Variants in ZC3H6 observed in about 807,000 individuals in gnomAD.
ZC3H6 encodes the protein zinc finger CCCH domain-containing protein 6.
In ZC3H6, 40 loss-of-function variants were observed where a neutral mutation model predicts 107.7. The ratio of observed to expected loss-of-function variants is 0.37; its 90% confidence interval spans 0.29 to 0.48. The LOEUF is 0.48. Ranked by LOEUF, ZC3H6 falls within the 20% of genes least tolerant of loss-of-function variation. The pLI is 0.98. For synonymous variants in ZC3H6, 493 were observed against 487.9 expected (o/e 1.01, Z -0.14); for missense variants, 1,267 against 1,410.4 (o/e 0.90, Z 1.63).
At chr2:112,299,091 C>T (rs922437723) in intron 1 of ZC3H6, among the ~76,000 whole-genome samples, 1 of 152,034 alleles carries the variant, frequency 6.6e-6, no homozygotes, top group Admixed American at 6.6e-5. Flanking sequence ...TCCTGGCTAA[C>T]ACGGTGAAAC....
intron 1 of ZC3H6, among the ~76,000 whole-genome samples, chr2:112,281,446 A>C (rs939364793): frequency 6.6e-6 from 1 of 152,160 alleles, no homozygotes; most frequent in African/African-American, 2.4e-5. Flanking sequence ...ATGGTAAATG[A>C]GGTAAATGAA....
At chr2:112,322,008 T>TG (rs1676809795) in intron 8 of ZC3H6, 143 bp downstream of exon 8, 5 of 450,162 alleles carry the variant, frequency 1.1e-5, no homozygotes. Context: ...GCAATATTCT[T>TG]TACCTTTTTG....
intron 1 of ZC3H6, chr2:112,286,316 G>A (rs1158099829): frequency 4.8e-5 from 11 of 226,886 alleles, no homozygotes. Context: ...GGCTCTTAAT[G>A]GTCAACCACT....
rs1016201994 is a variant in ZC3H6 at position 112,285,882 on chromosome 2, A to G, written c.32+9856A>G. Reference sequence around the variant, plus strand: ...AGGCTGAGGCAGGAGAACTGCTTGAATCCAGGAGGCGGAGGCTGCAGTGAG... The same window carrying G: ...AGGCTGAGGCAGGAGAACTGCTTGAGTCCAGGAGGCGGAGGCTGCAGTGAG... On this transcript the variant is annotated intron_variant, in intron 1 of 11. Transcript: ENST00000409871. 1.3e-4 allele frequency among the ~76,000 whole-genome samples: 20 copies of G among 152,150 alleles called. 1 individual carries two copies. The highest frequency in any genetic ancestry group is 4.8e-4 in the African/African-American group (20 of 41,544).
At chr2:112,280,383 C>T (rs1686504981) in intron 1 of ZC3H6, among the ~76,000 whole-genome samples, 1 of 152,172 alleles carries the variant, frequency 6.6e-6, no homozygotes, top group Admixed American at 6.5e-5. Flanking sequence ...CACTCTGACT[C>T]TCAGGAAGAC....
intron 3 of ZC3H6, among the ~76,000 whole-genome samples, chr2:112,306,914 T>C (rs1295458227): frequency 2.6e-5 from 4 of 152,230 alleles, no homozygotes; most frequent in East Asian, 3.8e-4. Flanking sequence ...TCGGAGCAAA[T>C]GCAGCTCCAA....
intron 8 of ZC3H6, among the ~76,000 whole-genome samples, chr2:112,322,355 C>T (rs1676819483): frequency 6.6e-6 from 1 of 151,758 alleles, no homozygotes; most frequent in Non-Finnish European, 1.5e-5. Flanking sequence ...CCACCCCTGC[C>T]CCTGGGGTCA....
chr2:112,276,925 C>A (rs371539744), intron 1 of ZC3H6, among the ~76,000 whole-genome samples: 1 of 152,140 alleles, frequency 6.6e-6, no homozygotes, highest in African/African-American at 2.4e-5. Flanking sequence ...ATTTGAAAAT[C>A]TAGAACCTCA....
In ZC3H6 at chr2:112,309,984, G is replaced by A; in HGVS notation, c.436G>A (p.Asp146Asn). 1 of 1,613,172 alleles carries A rather than the reference G, an allele frequency of 6.2e-7. No homozygotes were observed. Among genetic ancestry groups the A allele is most frequent in the Non-Finnish European group, 8.5e-7 (1 of 1,179,548 alleles). ...EYDEYSTYSD[D>N]NFGNYSDDNF... ...TGATGAGTACAGCACCTACAGTGAT[G>A]ACAACTTCGGTAACTACAGTGATGA... The change falls in exon 4 of 12, where the codon GAC (aspartate) becomes AAC (asparagine). Residue 146 changes from aspartate (D) to asparagine (N), a missense_variant. Physicochemically the swap from Asp to Asn is conservative, Grantham distance 23 (BLOSUM62 1). Around this residue, in one of 3 missense-constraint regions of ZC3H6, gnomAD observed 337 missense variants for 361.2 expected, o/e 0.93. Transcript: ENST00000409871.
In ZC3H6 at chr2:112,339,066, T is replaced by G. The variant is rs543481696; in HGVS notation, c.*6578T>G. On this transcript the variant is annotated 3_prime_UTR_variant, in exon 12 of 12. Transcript: ENST00000409871. ...GCCACCACACCCAGCTAATTTTTCG[T>G]ATTTTTTAGTAGAGATGGGGTTTCA... 13 of 151,794 alleles carry G rather than the reference T, an allele frequency of 8.6e-5. No individual in the cohort carries two copies. Among genetic ancestry groups the G allele is most frequent in the African/African-American group, 3.1e-4 (13 of 41,444 alleles). The allele number at this position is 151,794 out of a possible 1,614,324, so 9.4% of individuals were successfully genotyped here. A position where few individuals can be genotyped will look rare whatever the true frequency, so the allele number is the denominator to read the frequency against.
chr2:112,319,867 A>G (rs942006430), intron 7 of ZC3H6, among the ~76,000 whole-genome samples: 1 of 152,182 alleles, frequency 6.6e-6, no homozygotes, highest in African/African-American at 2.4e-5. Flanking sequence ...TATGGCATAA[A>G]GCCTTTCAGA....
At chr2:112,282,727 T>C (rs1686549396) in intron 1 of ZC3H6, among the ~76,000 whole-genome samples, 1 of 152,218 alleles carries the variant, frequency 6.6e-6, no homozygotes, top group Non-Finnish European at 1.5e-5. Context: ...CAATGTAGAA[T>C]GCTGAATGGA....
In ZC3H6 at chr2:112,331,216, A is replaced by G. The variant is rs1677024697; in HGVS notation, c.2298A>G (p.Gln766=). The G allele has an allele frequency of 1.2e-6, 2 of 1,613,288 alleles. No homozygotes were observed. The highest frequency in any genetic ancestry group is 1.7e-6 in the Non-Finnish European group (2 of 1,179,710). Residue 766 remains glutamine, a synonymous_variant, in exon 12 of 12, where the codon CAA becomes CAG. Transcript: ENST00000409871. Reference sequence around the variant, plus strand: ...CTAGGCTTAGGACTATCCCAAGGCAAGACATTAGAAAGCCTTCTGAGTCTG... The same window carrying G: ...CTAGGCTTAGGACTATCCCAAGGCAGGACATTAGAAAGCCTTCTGAGTCTG... ...VDPRLRTIPR[Q]DIRKPSESAP... is the part of the protein sequence containing the mutation.
At chr2:112,320,182 C>G (rs1676775699) in intron 7 of ZC3H6, among the ~76,000 whole-genome samples, 1 of 152,206 alleles carries the variant, frequency 6.6e-6, no homozygotes, top group African/African-American at 2.4e-5. Context: ...ATCCGCCTGC[C>G]TCGGCCTCCC....
rs1162494892 is a variant in ZC3H6 at position 112,331,005 on chromosome 2, A to T, written c.2087A>T (p.Asp696Val). The stretch of plus-strand genomic sequence containing the variant: ...ATAATAAGTTTTTGTCTGCATTTAG[A>T]TGATACAGTTAACTGGTATTCCAGT... ...QPHRAPSKEE[D>V]DTVNWYSSSE... The change falls in exon 12 of 12, where the codon GAT becomes GTT. Residue 696 changes from aspartate (D) to valine (V), a missense_variant and splice_region_variant. Transcript: ENST00000409871. 6.8e-7 allele frequency: 1 copy of T among 1,473,900 alleles called. No individual in the cohort carries two copies. The highest frequency in any genetic ancestry group is 8.9e-7 in the Non-Finnish European group (1 of 1,117,412). 91.3% of individuals were successfully genotyped at this position (1,473,900 alleles called of 1,614,324 possible).
chr2:112,329,722 C>T (rs1676984335), intron 11 of ZC3H6, among the ~76,000 whole-genome samples: 1 of 152,144 alleles, frequency 6.6e-6, no homozygotes, highest in African/African-American at 2.4e-5. Flanking sequence ...TCTGCTGATC[C>T]AAGATACTCC....
intron 1 of ZC3H6, among the ~76,000 whole-genome samples, chr2:112,292,632 C>T (rs1434981832): frequency 2.0e-5 from 3 of 152,160 alleles, no homozygotes; most frequent in African/African-American, 7.2e-5. Flanking sequence ...GTTAGTCAAC[C>T]TTCCCTCCAC....
Position 112,338,889 on chromosome 2 carries a change from A to G in ZC3H6, c.*6401A>G, listed in dbSNP as rs1419347115. On this transcript the variant is annotated 3_prime_UTR_variant, in exon 12 of 12. Transcript: ENST00000409871. ...TATATATATATATATATATATATAT[A>G]TATATATATATATATATATATATAA... 2.5e-4 allele frequency: 5 copies of G among 20,124 alleles called. No individual in the cohort carries two copies. In the South Asian group the frequency reaches 5.3e-3, roughly 21 times the overall value. The allele number at this position is 20,124 out of a possible 1,614,324, so 1.2% of individuals were successfully genotyped here.
chr2:112,321,975 A>G, intron 8 of ZC3H6, 110 bp downstream of exon 8: 1 of 498,180 alleles, frequency 2.0e-6, no homozygotes, highest in Admixed American at 4.0e-5. Flanking sequence ...AAAGTTTACT[A>G]TTTTATATTT....
Sources: allele counts gnomAD v4.1 joint callset (sites outside exome capture counted in the v4.1 genomes callset), GRCh38; gene constraint gnomAD v4.1.1; regional missense constraint gnomAD v4.1.1; transcripts MANE v1.5; gene names NCBI Gene and HGNC (gene_info 2026-07-23, HGNC 2026-07-21).